HERC1: variants seen among roughly 807,000 people sequenced by gnomAD.
HERC1 encodes the protein HECT and RLD domain containing E3 ubiquitin protein ligase family member 1.
HERC1 carries 160 observed loss-of-function variants against 554.3 expected under a neutral mutation model. That is an observed-to-expected ratio of 0.29 (90% confidence interval 0.25 to 0.33). The LOEUF (loss-of-function observed/expected upper bound fraction) is 0.33, where lower values mean the gene tolerates loss of function less well. Among genes scored for constraint, HERC1 ranks in the 10% least tolerant of loss-of-function variants. The pLI is 1.00. For synonymous variants in HERC1, 2,175 were observed against 2,131.7 expected (o/e 1.02, Z -0.56); for missense variants, 4,919 against 5,918.5 (o/e 0.83, Z 5.54).
chr15:63,645,518 T>A lies in HERC1; in HGVS notation c.11043A>T (p.Pro3681=). ...IVNGIAWCRL[P]GKGSKLQLLM... is the part of the protein sequence containing the mutation. ...GTAACTGCAACTTGGATCCTTTCCC[T>A]GGAAGGCGGCACCAAGCAATGCCAT... The change falls in exon 56 of 78, where the codon CCA becomes CCT. Residue 3681 remains proline (P), a synonymous_variant. Transcript: ENST00000443617. The A allele has an allele frequency of 6.2e-7, 1 of 1,611,852 alleles. No homozygotes were observed. The highest frequency in any genetic ancestry group is 8.5e-7 in the Non-Finnish European group (1 of 1,179,092).
chr15:63,626,147 T>C lies in HERC1; in HGVS notation c.13113A>G (p.Ser4371=), dbSNP rs982614751. The part of the protein sequence containing the change: ...PPVPPRAPGV[S]VPLQLGLPDT... ...CAGGCAGGCCCAGCTGCAGAGGTAC[T>C]GACACACCTGTCCAGAAAGCAAATG... is the stretch of plus-strand genomic sequence containing the variant. Residue 4371 remains serine (S), a synonymous_variant, in exon 71 of 78, where the codon TCA becomes TCG. Coordinates refer to ENST00000443617, the MANE Select transcript of HERC1 (RefSeq NM_003922.4). 6.2e-6 allele frequency: 10 copies of C among 1,612,218 alleles called. No individual in the cohort carries two copies. Among genetic ancestry groups the C allele is most frequent in the Non-Finnish European group, 8.5e-6 (10 of 1,179,488 alleles).
chr15:63,643,082 T>C, intron 58 of HERC1, 24 bp from the exon 59 acceptor site: 2 of 1,344,672 alleles, frequency 1.5e-6, no homozygotes, highest in Non-Finnish European at 2.1e-6. Context: ...TATTTACCAA[T>C]ACACACCATT....
intron 40 of HERC1, among the ~76,000 whole-genome samples, chr15:63,666,985 G>T (rs753151712): frequency 7.2e-5 from 11 of 152,146 alleles, no homozygotes; most frequent in Non-Finnish European, 1.3e-4. Context: ...TGATTTCCCT[G>T]ATTAAAATGG....
chr15:63,790,732 C>T (rs2076623747), intron 1 of HERC1, among the ~76,000 whole-genome samples: 2 of 151,136 alleles, frequency 1.3e-5, no homozygotes, highest in South Asian at 4.2e-4. Context: ...AAAATGACTG[C>T]ATAAACACTT....
In HERC1 at chr15:63,749,843, T is replaced by C. The variant is rs2075176243; in HGVS notation, c.1903-52A>G. Reference sequence around the variant, plus strand: ...ATAACTTCCTGAGATGATTAGATTGTTGGCTTTAGGGATAAATGAAATCTA... The same window carrying C: ...ATAACTTCCTGAGATGATTAGATTGCTGGCTTTAGGGATAAATGAAATCTA... On this transcript the variant is annotated intron_variant, in intron 8 of 77. Coordinates refer to ENST00000443617, the MANE Select transcript of HERC1 (RefSeq NM_003922.4). This position sits in a 1 kb window ranked among gnomAD's most constrained non-coding sequence, Gnocchi z 4.1. 5 of 1,422,156 alleles carry C rather than the reference T, an allele frequency of 3.5e-6. No homozygotes were observed. Among genetic ancestry groups the C allele is most frequent in the Middle Eastern group, 1.8e-4 (1 of 5,546 alleles). 88.1% of individuals were successfully genotyped at this position (1,422,156 alleles called of 1,614,324 possible).
At chr15:63,723,905 C>G (rs947453089) in intron 18 of HERC1, among the ~76,000 whole-genome samples, 1 of 152,088 alleles carries the variant, frequency 6.6e-6, no homozygotes, top group African/African-American at 2.4e-5. Flanking sequence ...ATTTGACATT[C>G]AGAATTCATT....
At chr15:63,795,701 C>G (rs2076791031) in intron 1 of HERC1, among the ~76,000 whole-genome samples, 1 of 152,180 alleles carries the variant, frequency 6.6e-6, no homozygotes, top group Admixed American at 6.5e-5. Context: ...GGTATACTCG[C>G]CAGCAGTTCT....
At chr15:63,803,639 T>C in intron 1 of HERC1, among the ~76,000 whole-genome samples, 1 of 152,212 alleles carries the variant, frequency 6.6e-6, no homozygotes, top group East Asian at 1.9e-4. Flanking sequence ...ATGAACCAAT[T>C]GCCAATTCAG....
intron 12 of HERC1, 74 bp downstream of exon 12, chr15:63,746,844 G>A (rs2075073088): frequency 8.0e-7 from 1 of 1,257,072 alleles, no homozygotes; most frequent in South Asian, 1.3e-5. Flanking sequence ...ATGTACAGTT[G>A]AATATATTGT....
chr15:63,696,738 T>C (rs1273872344), intron 26 of HERC1, among the ~76,000 whole-genome samples: 1 of 152,178 alleles, frequency 6.6e-6, no homozygotes, highest in East Asian at 1.9e-4. Flanking sequence ...GAGATATATG[T>C]GAAGGTTTCA....
chr15:63,615,138 G>A (rs1458192779), intron 76 of HERC1, among the ~76,000 whole-genome samples: 2 of 152,222 alleles, frequency 1.3e-5, no homozygotes, highest in Admixed American at 1.3e-4. Context: ...GAGCTGGGAA[G>A]CAGTAAGACA....
At chr15:63,747,327 G>A (rs2075091827) in intron 11 of HERC1, among the ~76,000 whole-genome samples, 1 of 152,064 alleles carries the variant, frequency 6.6e-6, no homozygotes, top group Non-Finnish European at 1.5e-5. Flanking sequence ...GGGCATGATG[G>A]CGGGTGCCTG....
At chr15:63,702,192 G>C (rs1396874695) in intron 25 of HERC1, among the ~76,000 whole-genome samples, 2 of 152,118 alleles carry the variant, frequency 1.3e-5, no homozygotes, top group African/African-American at 4.8e-5. Context: ...TGGCCAAAAA[G>C]GAGTAAATAC....
chr15:63,778,637 T>C (rs1176707153), intron 1 of HERC1, among the ~76,000 whole-genome samples: 1 of 152,150 alleles, frequency 6.6e-6, no homozygotes, highest in Non-Finnish European at 1.5e-5. Flanking sequence ...CAAACAAAAT[T>C]TCTGCTATTG....
chr15:63,610,614 G>A (rs550188417), intron 77 of HERC1, among the ~76,000 whole-genome samples: 1 of 152,342 alleles, frequency 6.6e-6, no homozygotes, highest in African/African-American at 2.4e-5. Flanking sequence ...TTTATGGAAA[G>A]GCTCTTTTAT....
chr15:63,768,354 C>T (rs897893425), intron 2 of HERC1, among the ~76,000 whole-genome samples: 1 of 152,152 alleles, frequency 6.6e-6, no homozygotes, highest in Admixed American at 6.5e-5. Context: ...GTAGGTGATG[C>T]CAGTGCTATT....
chr15:63,811,531 C>T (rs1490169608), intron 1 of HERC1, among the ~76,000 whole-genome samples: 2 of 152,044 alleles, frequency 1.3e-5, no homozygotes, highest in South Asian at 2.1e-4. Flanking sequence ...TGAAAGGGGC[C>T]GGGCGCGGTG....
At chr15:63,740,641 T>G (rs371734643) in intron 12 of HERC1, among the ~76,000 whole-genome samples, 11 of 152,338 alleles carry the variant, frequency 7.2e-5, no homozygotes, top group East Asian at 3.9e-4. Flanking sequence ...GGTATCTCAG[T>G]GTGGTTTTGA....
chr15:63,752,032 A>T (rs184287644), intron 8 of HERC1, among the ~76,000 whole-genome samples: 1 of 152,350 alleles, frequency 6.6e-6, no homozygotes, highest in East Asian at 1.9e-4. Context: ...TACATCAAAT[A>T]CATAAGCATC....
Sources: gnomAD v4.1 joint callset for allele counts (sites outside exome capture counted in the v4.1 genomes callset) on GRCh38, gnomAD v4.1.1 for gene constraint, Gnocchi (gnomAD v3.1) non-coding constraint, MANE v1.5 for transcripts, NCBI Gene and HGNC (gene_info 2026-07-23, HGNC 2026-07-21) for gene names.